RAB23: variants seen among roughly 807,000 people sequenced by gnomAD.
The protein encoded by RAB23 is RAB23, member RAS oncogene family.
Under a neutral mutation model 30.0 loss-of-function variants are expected in RAB23, and 15 were observed. The observed-to-expected ratio is 0.50, with a 90% CI of 0.33 to 0.77. RAB23 has a LOEUF of 0.77. Among genes scored for constraint, RAB23 ranks in the 30% least tolerant of loss-of-function variants. RAB23 has a pLI of 0.02. For synonymous variants in RAB23, 93 were observed against 94.0 expected (o/e 0.99, Z 0.06); for missense variants, 243 against 275.4 (o/e 0.88, Z 0.83).
rs777651345 is a variant in RAB23 at position 57,187,021 on chromosome 6, AT to A, written c.*3439del. The stretch of plus-strand genomic sequence containing the variant: ...AGCTTTGAAATGCATTTATTTTCTG[AT>A]TATTGGAATTCATCCTTCATGAAAT... On this transcript the variant is annotated 3_prime_UTR_variant, in exon 7 of 7. Transcript: ENST00000468148. 8 of 152,180 alleles carry A rather than the reference AT, an allele frequency of 5.3e-5. No homozygotes were observed. Among genetic ancestry groups the A allele is most frequent in the Non-Finnish European group, 1.2e-4 (8 of 68,016 alleles). The allele number at this position is 152,180 out of a possible 1,614,324, so 9.4% of individuals were successfully genotyped here.
chr6:57,216,835 G>T (rs941978628), intron 1 of RAB23, among the ~76,000 whole-genome samples: 3 of 122,274 alleles, frequency 2.5e-5, no homozygotes, highest in African/African-American at 7.8e-5. Context: ...AGACGTTGCC[G>T]CGGCATTTAT....
chr6:57,197,967 G>T (rs887488170), intron 3 of RAB23, among the ~76,000 whole-genome samples: 8 of 151,848 alleles, frequency 5.3e-5, no homozygotes, highest in Non-Finnish European at 1.0e-4. Flanking sequence ...TGTAGAGATG[G>T]GTCTCCCAAT....
At position 57,218,184 on chromosome 6, in the gene RAB23, T is replaced by C. The variant is rs1335668622; in HGVS notation, c.-66+3542A>G. Among the ~76,000 whole-genome samples the C allele has an allele frequency of 2.0e-5, 3 of 152,176 alleles. 1 individual carries two copies. The highest frequency in any genetic ancestry group is 2.0e-4 in the Admixed American group (3 of 15,276). The stretch of plus-strand genomic sequence containing the variant: ...CCAATGTACACAATCTCCTCCAGAA[T>C]AGAGACGAGGAAACACTTCCCAACT... On this transcript the variant is annotated intron_variant, in intron 1 of 6. Coordinates refer to ENST00000468148, the MANE Select transcript of RAB23 (RefSeq NM_016277.5).
chr6:57,207,561 G>C, intron 3 of RAB23, 67 bp downstream of exon 3: 2 of 1,165,962 alleles, frequency 1.7e-6, no homozygotes, highest in Non-Finnish European at 1.3e-6. Flanking sequence ...AACAAAGAAA[G>C]CAAAATTATT....
chr6:57,193,725 A>G (rs1764921504), intron 6 of RAB23, 117 bp downstream of exon 6: 2 of 1,372,804 alleles, frequency 1.5e-6, no homozygotes, highest in Admixed American at 5.1e-5. Flanking sequence ...TACTTAAATC[A>G]CTGACTTAAT....
chr6:57,213,285 A>G (rs1305443292), intron 1 of RAB23, among the ~76,000 whole-genome samples: 1 of 152,166 alleles, frequency 6.6e-6, no homozygotes, highest in Admixed American at 6.5e-5. Context: ...AGGCCACAGA[A>G]CGGTACCAGT....
intron 3 of RAB23, among the ~76,000 whole-genome samples, chr6:57,198,308 A>G (rs1376907249): frequency 3.9e-5 from 6 of 152,164 alleles, no homozygotes; most frequent in African/African-American, 9.7e-5. Context: ...AGGTCAGGAG[A>G]TCGAGACCAT....
At chr6:57,213,649 A>G (rs1192587293) in intron 1 of RAB23, among the ~76,000 whole-genome samples, 5 of 152,138 alleles carry the variant, frequency 3.3e-5, no homozygotes, top group African/African-American at 9.7e-5. Flanking sequence ...ATAACTAAAA[A>G]TTTTGGATAC....
intron 6 of RAB23, among the ~76,000 whole-genome samples, chr6:57,192,979 CAGAA>C (rs1764897040): frequency 1.3e-5 from 2 of 152,148 alleles, no homozygotes; most frequent in South Asian, 4.2e-4. Flanking sequence ...GGAGGCTACA[CAGAA>C]GGAAGGGCAA....
In RAB23 at chr6:57,189,775, C is replaced by T. The variant is rs1764763824; in HGVS notation, c.*686G>A. 1 of 152,558 alleles carries T rather than the reference C, an allele frequency of 6.6e-6. No individual in the cohort carries two copies. Among genetic ancestry groups the T allele is most frequent in the Non-Finnish European group, 1.5e-5 (1 of 68,022 alleles). 9.5% of individuals were successfully genotyped at this position (152,558 alleles called of 1,614,324 possible). On this transcript the variant is annotated 3_prime_UTR_variant, in exon 7 of 7. Coordinates refer to ENST00000468148, the MANE Select transcript of RAB23 (RefSeq NM_016277.5). ...ACAAAGCACTTTTTAAACCCAAGCT[C>T]ATTTTGCAAAATATATGTCTAGAGT...
intron 3 of RAB23, among the ~76,000 whole-genome samples, chr6:57,205,710 T>C (rs981804217): frequency 5.9e-5 from 9 of 151,436 alleles, no homozygotes; most frequent in African/African-American, 1.9e-4. Flanking sequence ...AAGAAAAAAA[T>C]GGGGGATTTC....
intron 1 of RAB23, among the ~76,000 whole-genome samples, chr6:57,211,143 G>A (rs1765637674): frequency 6.6e-6 from 1 of 152,134 alleles, no homozygotes; most frequent in South Asian, 2.1e-4. Flanking sequence ...CTGTCCCCAA[G>A]ACATCTCATT....
At chr6:57,197,039 C>G (rs1462977798) in intron 3 of RAB23, among the ~76,000 whole-genome samples, 7 of 152,088 alleles carry the variant, frequency 4.6e-5, no homozygotes, top group Non-Finnish European at 4.4e-5. Context: ...TAATTTCTTT[C>G]AGCGTAGATT....
intron 6 of RAB23, among the ~76,000 whole-genome samples, chr6:57,192,984 G>T (rs1213661769): frequency 6.6e-6 from 1 of 152,140 alleles, no homozygotes; most frequent in Non-Finnish European, 1.5e-5. Flanking sequence ...CTACACAGAA[G>T]GAAGGGCAAA....
chr6:57,196,059 C>T (rs1383605149), intron 4 of RAB23, among the ~76,000 whole-genome samples: 1 of 151,962 alleles, frequency 6.6e-6, no homozygotes, highest in Non-Finnish European at 1.5e-5. Flanking sequence ...AATCTGAACC[C>T]TTAATTAAAA....
chr6:57,207,574 T>C lies in RAB23; in HGVS notation c.241+54A>G, dbSNP rs145859667. 2.1e-4 allele frequency: 278 copies of C among 1,306,538 alleles called. 1 individual carries two copies. The East Asian group carries it at 4.8e-3, about 23-fold the overall frequency. The allele number at this position is 1,306,538 out of a possible 1,614,324, so 80.9% of individuals were successfully genotyped here. ...GAAACAAAGAAAGCAAAATTATTTATTTAGCCAAAATAATATGCCCAAACA... is the reference window on the plus strand; with the variant it reads ...GAAACAAAGAAAGCAAAATTATTTACTTAGCCAAAATAATATGCCCAAACA... On this transcript the variant is annotated intron_variant, in intron 3 of 6. Coordinates refer to ENST00000468148, the MANE Select transcript of RAB23 (RefSeq NM_016277.5).
rs1316630350 is a variant in RAB23 at position 57,222,168 on chromosome 6, A to G, written c.-508T>C. On this transcript the variant is annotated 5_prime_UTR_variant, in exon 1 of 7. Coordinates refer to ENST00000468148, the MANE Select transcript of RAB23 (RefSeq NM_016277.5). ...AGTTCGCACCCTCTTTCGCTCTCTT[A>G]AGAATGATTATGATTTTTAAACGAA... The G allele has an allele frequency of 6.6e-6, 1 of 152,186 alleles. No homozygotes were observed. Among genetic ancestry groups the G allele is most frequent in the Non-Finnish European group, 1.5e-5 (1 of 68,030 alleles). 9.4% of individuals were successfully genotyped at this position (152,186 alleles called of 1,614,324 possible). A position where few individuals can be genotyped will look rare whatever the true frequency, so the allele number is the denominator to read the frequency against.
intron 1 of RAB23, among the ~76,000 whole-genome samples, chr6:57,212,638 T>C (rs1162330894): frequency 1.3e-5 from 2 of 150,378 alleles, no homozygotes; most frequent in African/African-American, 4.9e-5. Flanking sequence ...TCCCAGTGCT[T>C]TGGGAGGCTG....
Position 57,194,755 on chromosome 6 carries a change from TTAAAGG to T in RAB23, c.481+9_481+14del. 6.4e-7 allele frequency: 1 copy of T among 1,565,926 alleles called. No homozygotes were observed. The highest frequency in any genetic ancestry group is 8.8e-7 in the Non-Finnish European group (1 of 1,137,084). On this transcript the variant is annotated intron_variant, in intron 5 of 6. Coordinates refer to ENST00000468148, the MANE Select transcript of RAB23 (RefSeq NM_016277.5). ...AATTTCTTTTTGCAATCTATATCCT[TTAAAGG>T]TAATTTACCTTCATTCACATTTAGA...
Sources: allele counts gnomAD v4.1 joint callset (sites outside exome capture counted in the v4.1 genomes callset), GRCh38; gene constraint gnomAD v4.1.1; transcripts MANE v1.5; gene names NCBI Gene and HGNC (gene_info 2026-07-23, HGNC 2026-07-21).